Variants in SPAG17 observed in about 807,000 individuals in gnomAD.
SPAG17 encodes sperm-associated antigen 17.
In SPAG17, 169 loss-of-function variants were observed where a neutral mutation model predicts 273.6. The ratio of observed to expected loss-of-function variants is 0.62; its 90% CI spans 0.55 to 0.70. The LOEUF is 0.70. Among genes scored for constraint, SPAG17 ranks in the 30% least tolerant of loss-of-function variants. SPAG17 has a pLI of 0.00. For synonymous variants in SPAG17, 825 were observed against 873.2 expected (o/e 0.94, Z 0.97); for missense variants, 2,557 against 2,627.8 (o/e 0.97, Z 0.59).
At chr1:118,040,121 C>G (rs1649563468) in intron 22 of SPAG17, among the ~76,000 whole-genome samples, 5 of 152,064 alleles carry the variant, frequency 3.3e-5, no homozygotes. Flanking sequence ...AACGCATTCT[C>G]TTTTTTAGTG....
Position 118,016,126 on chromosome 1 carries a change from G to A in SPAG17, c.4126C>T (p.Pro1376Ser). 6.2e-7 allele frequency: 1 copy of A among 1,614,048 alleles called. No individual in the cohort carries two copies. Among genetic ancestry groups the A allele is most frequent in the South Asian group, 1.1e-5 (1 of 91,082 alleles). Residue 1376 changes from proline to serine, a missense_variant, in exon 29 of 49, where the codon CCT (proline) becomes TCT (serine). By Grantham distance (74) the Pro-to-Ser change is moderately conservative (BLOSUM62 -1). Coordinates refer to ENST00000336338, the MANE Select transcript of SPAG17 (RefSeq NM_206996.4). ...MAHKGEIHDP[P>S]PEAVQTVTPV... The stretch of plus-strand genomic sequence containing the variant: ...GTTACAGTTTGAACTGCCTCTGGAG[G>A]AGGGTCATGGATTTCACCCTTATGG...
chr1:118,024,702 A>G (rs138155182), intron 27 of SPAG17, among the ~76,000 whole-genome samples: 146 of 152,232 alleles, frequency 9.6e-4, no homozygotes, highest in Non-Finnish European at 1.6e-3. Context: ...TCTGGGTGAC[A>G]GTGAGTTACC....
At chr1:118,054,932 G>C (rs140323794) in intron 19 of SPAG17, among the ~76,000 whole-genome samples, 1 of 151,994 alleles carries the variant, frequency 6.6e-6, no homozygotes, top group African/African-American at 2.4e-5. Flanking sequence ...ATTATGTAGC[G>C]TTGCTTCTTT....
intron 32 of SPAG17, among the ~76,000 whole-genome samples, chr1:117,998,013 T>C (rs559608530): frequency 1.3e-5 from 2 of 152,180 alleles, no homozygotes; most frequent in South Asian, 2.1e-4. Context: ...AGTCAGTTGA[T>C]AGTCTGTTGA....
chr1:118,026,356 T>C (rs1174709703), intron 26 of SPAG17, among the ~76,000 whole-genome samples: 1 of 152,186 alleles, frequency 6.6e-6, no homozygotes, highest in East Asian at 1.9e-4. Context: ...AAATTCCTCT[T>C]AATTTATAAT....
At chr1:118,003,402 T>C (rs1225827443) in intron 32 of SPAG17, among the ~76,000 whole-genome samples, 2 of 152,218 alleles carry the variant, frequency 1.3e-5, no homozygotes, top group Non-Finnish European at 2.9e-5. Flanking sequence ...TCCTGGATAA[T>C]ATCCTGAAGA....
intron 3 of SPAG17, among the ~76,000 whole-genome samples, chr1:118,116,547 G>C (rs1400745450): frequency 1.3e-5 from 2 of 152,078 alleles, no homozygotes; most frequent in African/African-American, 2.4e-5. Context: ...CTGAGCTCTT[G>C]GTCAGGACTT....
intron 3 of SPAG17, among the ~76,000 whole-genome samples, chr1:118,129,540 A>C (rs1487763253): frequency 6.6e-6 from 1 of 152,164 alleles, no homozygotes; most frequent in Admixed American, 6.5e-5. Context: ...GTGGCCTTTC[A>C]TAATAATGTA....
At chr1:118,054,647 G>A (rs576592343) in intron 19 of SPAG17, among the ~76,000 whole-genome samples, 1 of 152,072 alleles carries the variant, frequency 6.6e-6, no homozygotes, top group South Asian at 2.1e-4. Flanking sequence ...TTACTAATAG[G>A]GAGGTGTGGC....
At chr1:117,957,975 T>C (rs1005543674) in intron 48 of SPAG17, among the ~76,000 whole-genome samples, 1 of 152,240 alleles carries the variant, frequency 6.6e-6, no homozygotes, top group Non-Finnish European at 1.5e-5. Flanking sequence ...TTCTTACTTA[T>C]GAAGATTCTG....
chr1:118,123,162 G>A (rs565408610), intron 3 of SPAG17, among the ~76,000 whole-genome samples: 1 of 152,282 alleles, frequency 6.6e-6, no homozygotes, highest in Non-Finnish European at 1.5e-5. Flanking sequence ...TAATTTTACA[G>A]CCTCCTTTCC....
intron 40 of SPAG17, among the ~76,000 whole-genome samples, chr1:117,986,763 G>A (rs867560036): frequency 2.6e-5 from 4 of 152,100 alleles, no homozygotes; most frequent in African/African-American, 9.7e-5. Flanking sequence ...TTAAAATATG[G>A]CACCTTGACA....
chr1:118,099,575 GACTCA>G lies in SPAG17; in HGVS notation c.829+26_829+30del, dbSNP rs549711413. Reference sequence around the variant, plus strand: ...TTAAGGACAGTGGGTAATATTGAAGGACTCAGTAAGTTGTGTAGCAGACTGCATAC... The same window carrying G: ...TTAAGGACAGTGGGTAATATTGAAGGGTAAGTTGTGTAGCAGACTGCATAC... On this transcript the variant is annotated intron_variant, in intron 6 of 48. Transcript: ENST00000336338. The G allele has an allele frequency of 4.0e-4, 636 of 1,587,706 alleles. No individual in the cohort carries two copies. The African/African-American group carries it at 7.6e-3, about 19-fold the overall frequency.
chr1:117,990,962 G>T, intron 37 of SPAG17, 56 bp from the exon 38 acceptor site: 3 of 1,009,900 alleles, frequency 3.0e-6, no homozygotes, highest in South Asian at 2.0e-5. Context: ...GACTTACTTT[G>T]TTTAGAAACA....
At chr1:117,973,190 C>G (rs1216646126) in intron 44 of SPAG17, among the ~76,000 whole-genome samples, 2 of 152,140 alleles carry the variant, frequency 1.3e-5, no homozygotes, top group African/African-American at 4.8e-5. Context: ...CCTGTATGAG[C>G]CAGCTCCACC....
chr1:117,988,504 A>C (rs1332928214), intron 38 of SPAG17, among the ~76,000 whole-genome samples: 1 of 152,246 alleles, frequency 6.6e-6, no homozygotes, highest in Non-Finnish European at 1.5e-5. Context: ...TATCTGAAGC[A>C]GCAAACCTTA....
intron 18 of SPAG17, among the ~76,000 whole-genome samples, chr1:118,057,059 C>T (rs1419313935): frequency 6.6e-6 from 1 of 151,938 alleles, no homozygotes; most frequent in Admixed American, 6.6e-5. Context: ...TCACTGCAAC[C>T]TCCGCCTCCC....
chr1:118,047,234 G>T (rs1299978923), intron 20 of SPAG17, among the ~76,000 whole-genome samples: 1 of 152,072 alleles, frequency 6.6e-6, no homozygotes, highest in Non-Finnish European at 1.5e-5. Flanking sequence ...TCAGCAAGAT[G>T]GTGGAATAGG....
chr1:118,097,056 G>A (rs913819734), intron 7 of SPAG17, among the ~76,000 whole-genome samples: 20 of 152,016 alleles, frequency 1.3e-4, no homozygotes, highest in African/African-American at 4.3e-4. Context: ...CCAACATGGC[G>A]AAACCCCATC....
Sources: allele counts gnomAD v4.1 joint callset (sites outside exome capture counted in the v4.1 genomes callset), GRCh38; gene constraint gnomAD v4.1.1; transcripts MANE v1.5; gene names NCBI Gene and HGNC (gene_info 2026-07-23, HGNC 2026-07-21).